The following BEAN1 variants were observed in gnomAD, a reference collection of about 807,000 sequenced individuals.
The protein encoded by BEAN1 is brain expressed associated with NEDD4 1, also known as protein BEAN1.
A neutral mutation model predicts 17.7 loss-of-function variants in BEAN1; 17 were observed. That is an observed-to-expected ratio of 0.96 (90% confidence interval 0.66 to 1.44). The LOEUF (loss-of-function observed/expected upper bound fraction) is 1.44. Among genes scored for constraint, BEAN1 ranks in the 40% most tolerant of loss-of-function variants. The pLI is 0.00. For synonymous variants in BEAN1, 142 were observed against 151.8 expected, an observed-to-expected ratio of 0.94 and a Z score of 0.47; for missense variants, 359 against 374.1, an observed-to-expected ratio of 0.96 and a Z score of 0.33.
At chr16:66,433,568 GA>G (rs1224830912) in intron 1 of BEAN1, among the ~76,000 whole-genome samples, 1 of 150,564 alleles carries the variant, frequency 6.6e-6, no homozygotes, top group African/African-American at 2.4e-5. Flanking sequence ...CCTTCCTAAA[GA>G]GAGAATAGCT....
chr16:66,479,799 G>T (rs138506763), intron 4 of BEAN1, among the ~76,000 whole-genome samples: 1 of 152,112 alleles, frequency 6.6e-6, no homozygotes, highest in African/African-American at 2.4e-5. Context: ...GAAAGGACAG[G>T]TGGAGCTTGT....
intron 3 of BEAN1, chr16:66,470,170 CGATGGATGGATGGATG>C (rs71376799): frequency 2.0e-4 from 69 of 345,026 alleles, no homozygotes; most frequent in East Asian, 1.1e-3. Flanking sequence ...TCTGGTGTCT[CGATGGATGGATGGATG>C]GATGGATGGA....
At chr16:66,444,729 G>A (rs1962381147) in intron 2 of BEAN1, among the ~76,000 whole-genome samples, 1 of 152,154 alleles carries the variant, frequency 6.6e-6, no homozygotes, top group African/African-American at 2.4e-5. Flanking sequence ...TCCCCCAGGT[G>A]TAAAATGGGG....
At chr16:66,494,473 A>G (rs974561792), downstream of BEAN1, among the ~76,000 whole-genome samples, 3 of 152,112 alleles carry the variant, frequency 2.0e-5, no homozygotes, top group Non-Finnish European at 4.4e-5. Context: ...TCAGAGACCG[A>G]CCCAGAGAAG....
rs1181675959 is a variant in BEAN1, at chr16:66,435,432, G to T, written c.-82-2163G>T. Among the ~76,000 whole-genome samples the T allele has an allele frequency of 8.5e-5, 13 of 152,352 alleles. No homozygotes were observed. In the East Asian group the frequency reaches 2.5e-3, roughly 29 times the overall value. On this transcript the variant is annotated intron_variant, in intron 1 of 4. Coordinates refer to ENST00000536005, the MANE Select transcript of BEAN1 (RefSeq NM_001178020.3). ...ATGTGAGCCACAGCTGGAGGCCCCA[G>T]TGCCCAGAAGGCTTCCTTGTAGGGA...
intron 1 of BEAN1, among the ~76,000 whole-genome samples, chr16:66,436,274 T>TG (rs1404046787): frequency 1.4e-5 from 2 of 145,330 alleles, no homozygotes; most frequent in Admixed American, 1.4e-4. Context: ...TTCTTTTTTT[T>TG]TTTTTTTTTT....
intron 2 of BEAN1, among the ~76,000 whole-genome samples, chr16:66,452,313 G>A (rs1962701147): frequency 6.6e-6 from 1 of 152,212 alleles, no homozygotes; most frequent in South Asian, 2.1e-4. Flanking sequence ...TTAATACACT[G>A]CTACCCTGAT....
chr16:66,485,330 C>T (rs1964073605), downstream of BEAN1: 3 of 356,632 alleles, frequency 8.4e-6, no homozygotes, highest in Non-Finnish European at 1.7e-5. Flanking sequence ...TCACTTAGAG[C>T]TTGTGCACGT....
downstream of BEAN1, among the ~76,000 whole-genome samples, chr16:66,487,374 T>C (rs933043882): frequency 3.3e-5 from 5 of 152,100 alleles, no homozygotes; most frequent in Admixed American, 3.3e-4. Flanking sequence ...CCTCCCAGAC[T>C]AGGGGCCTGG....
chr16:66,446,267 T>C (rs1962452490), intron 2 of BEAN1, among the ~76,000 whole-genome samples: 1 of 151,934 alleles, frequency 6.6e-6, no homozygotes, highest in Non-Finnish European at 1.5e-5. Flanking sequence ...ATAGTGGAAG[T>C]GTCAATATGG....
chr16:66,437,655 G>A lies in BEAN1; in HGVS notation c.-22G>A, dbSNP rs577726420. 3.2e-4 allele frequency: 489 copies of A among 1,535,828 alleles called. No homozygotes were observed. The highest frequency in any genetic ancestry group is 6.3e-4 in the African/African-American group (46 of 73,164). ...CTGTGCCCGTGGGCAGGCTGGCTCCGCTGTTCTGCTCCAAGGATTACATGT... is the reference window on the plus strand; with the variant it reads ...CTGTGCCCGTGGGCAGGCTGGCTCCACTGTTCTGCTCCAAGGATTACATGT... On this transcript the variant is annotated 5_prime_UTR_variant, in exon 2 of 5. Coordinates refer to ENST00000536005, the MANE Select transcript of BEAN1 (RefSeq NM_001178020.3).
chr16:66,476,301 C>G (rs986533880), intron 3 of BEAN1: 3 of 151,812 alleles, frequency 2.0e-5, no homozygotes, highest in African/African-American at 7.3e-5. Context: ...CTTCCACTCA[C>G]TATTATATGA....
intron 1 of BEAN1, among the ~76,000 whole-genome samples, chr16:66,429,017 T>C (rs1268331007): frequency 6.6e-6 from 1 of 152,162 alleles, no homozygotes; most frequent in African/African-American, 2.4e-5. Flanking sequence ...CCTTAGCTGA[T>C]GTCCGCTGCC....
At chr16:66,436,175 T>C (rs1352561470) in intron 1 of BEAN1, among the ~76,000 whole-genome samples, 2 of 151,722 alleles carry the variant, frequency 1.3e-5, no homozygotes, top group African/African-American at 4.8e-5. Flanking sequence ...ACCTTATCTC[T>C]CTCCTGTTCC....
intron 3 of BEAN1, among the ~76,000 whole-genome samples, chr16:66,474,107 A>T (rs1429596448): frequency 6.6e-6 from 1 of 151,982 alleles, no homozygotes; most frequent in Non-Finnish European, 1.5e-5. Flanking sequence ...CTGATTTCCT[A>T]CTTCCTATGC....
rs1596973168 is a variant in BEAN1 at position 66,434,212 on chromosome 16, A to C, written c.-82-3383A>C. ...AGCAGCTGGGGTGGGCCTGCCCCCG[A>C]CCCCGACCCCAACCCCGACCCCGAC... is the stretch of plus-strand genomic sequence containing the variant. On this transcript the variant is annotated intron_variant, in intron 1 of 4. Transcript: ENST00000536005. The surrounding 1 kb of genome is among the most constrained non-coding windows in gnomAD (Gnocchi z 4.3). 7.6e-6 allele frequency among the ~76,000 whole-genome samples: 1 copy of C among 131,052 alleles called. No individual in the cohort carries two copies. Among genetic ancestry groups the C allele is most frequent in the African/African-American group, 2.9e-5 (1 of 34,844 alleles). The allele number at this position is 131,052 out of a possible 152,430, so 86.0% of individuals were successfully genotyped here. A position where few individuals can be genotyped will look rare whatever the true frequency, so the allele number is the denominator to read the frequency against.
At chr16:66,470,192 ATGGAT>A (rs1963427389) in intron 3 of BEAN1, 1 of 435,480 alleles carries the variant, frequency 2.3e-6, no homozygotes, top group South Asian at 3.2e-5. Flanking sequence ...GGATGGATGG[ATGGAT>A]GGATGGATGG....
intron 2 of BEAN1, among the ~76,000 whole-genome samples, chr16:66,443,775 A>T (rs1962343523): frequency 6.6e-6 from 1 of 152,076 alleles, no homozygotes; most frequent in African/African-American, 2.4e-5. Context: ...CCCCAGTTCA[A>T]GTGATTCTCC....
intron 2 of BEAN1, among the ~76,000 whole-genome samples, chr16:66,460,117 G>T (rs533343180): frequency 6.6e-6 from 1 of 152,312 alleles, no homozygotes; most frequent in East Asian, 1.9e-4. Context: ...AGGCAGATGG[G>T]GTGACAAGAG....
Sources: gnomAD v4.1 joint callset for allele counts (sites outside exome capture counted in the v4.1 genomes callset) on GRCh38, gnomAD v4.1.1 for gene constraint, Gnocchi (gnomAD v3.1) non-coding constraint, MANE v1.5 for transcripts, NCBI Gene and HGNC (gene_info 2026-07-23, HGNC 2026-07-21) for gene names.